Variants in USH2A observed in about 807,000 individuals in gnomAD.
USH2A encodes usherin.
A neutral mutation model predicts 538.9 loss-of-function variants in USH2A; 443 were observed. The observed-to-expected ratio is 0.82, with a 90% CI of 0.76 to 0.89. The LOEUF (loss-of-function observed/expected upper bound fraction) is 0.89. Ranked by LOEUF, USH2A falls within the 40% of genes least tolerant of loss-of-function variation. The pLI is 0.00. For missense variants in USH2A, 6,633 were observed against 6,324.8 expected (o/e 1.05, Z -1.65); for synonymous variants, 2,413 against 2,273.5 (o/e 1.06, Z -1.75).
intron 4 of USH2A, among the ~76,000 whole-genome samples, chr1:216,358,613 C>T (rs373101158): frequency 3.4e-4 from 51 of 151,900 alleles, no homozygotes; most frequent in Admixed American, 2.0e-4. Context: ...CCAGTCTATA[C>T]GCCATCTCTA....
chr1:216,090,601 T>C (rs1430694482), intron 22 of USH2A, among the ~76,000 whole-genome samples: 3 of 152,158 alleles, frequency 2.0e-5, no homozygotes, highest in African/African-American at 4.8e-5. Context: ...ATCTGTTTTG[T>C]CTACACACCC....
At chr1:216,034,829 T>C (rs1375370293) in intron 32 of USH2A, among the ~76,000 whole-genome samples, 2 of 152,190 alleles carry the variant, frequency 1.3e-5, no homozygotes, top group Non-Finnish European at 1.5e-5. Context: ...TTCAAACTTC[T>C]AGCCTCTCAA....
At chr1:216,116,854 A>G (rs1255253609) in intron 21 of USH2A, among the ~76,000 whole-genome samples, 2 of 152,102 alleles carry the variant, frequency 1.3e-5, no homozygotes, top group Non-Finnish European at 2.9e-5. Context: ...AACACAGAAA[A>G]CATCAGACAG....
intron 32 of USH2A, among the ~76,000 whole-genome samples, chr1:216,030,930 T>TA (rs534110611): frequency 1.7e-4 from 26 of 150,518 alleles, no homozygotes; most frequent in East Asian, 5.8e-4. Flanking sequence ...TAAAAAACAA[T>TA]AAAAAAAAAC....
At chr1:216,242,206 CAA>C (rs2035952581) in intron 13 of USH2A, among the ~76,000 whole-genome samples, 1 of 134,910 alleles carries the variant, frequency 7.4e-6, no homozygotes, top group Admixed American at 7.4e-5. Context: ...AAAAAAAATA[CAA>C]AAAATTAGCC....
intron 21 of USH2A, among the ~76,000 whole-genome samples, chr1:216,134,784 C>T (rs147384039): frequency 2.4e-4 from 36 of 152,154 alleles, no homozygotes; most frequent in African/African-American, 8.4e-4. Flanking sequence ...GAAACCATTG[C>T]TTGATTGTAT....
Position 216,196,671 on chromosome 1 carries a change from A to G in USH2A, c.4133T>C (p.Leu1378Pro), listed in dbSNP as rs2034852728. 8.1e-6 allele frequency: 13 copies of G among 1,613,522 alleles called. No homozygotes were observed. The highest frequency in any genetic ancestry group is 1.1e-5 in the Non-Finnish European group (13 of 1,179,680). ...TGCTGGCTTCTCCCAGGAGATATTG[A>G]GAGAGTACGAAGAGAGGGGAAAGAC... is the stretch of plus-strand genomic sequence containing the variant. The part of the protein sequence containing the change: ...PSVFPLSSYS[L>P]NISWEKPADN... Residue 1378 changes from leucine (L) to proline (P), a missense_variant, in exon 19 of 72, where the codon CTC becomes CCC. Coordinates refer to ENST00000307340, the MANE Select transcript of USH2A (RefSeq NM_206933.4).
chr1:215,753,079 A>G lies in USH2A; in HGVS notation c.11389+5516T>C, dbSNP rs569956626. ...GAAAAAATGCTCACCATCACTGGCC[A>G]TCAGAGAAATGCAAGTCAAAACCAC... On this transcript the variant is annotated intron_variant, in intron 58 of 71. Coordinates refer to ENST00000307340, the MANE Select transcript of USH2A (RefSeq NM_206933.4). Among the ~76,000 whole-genome samples the G allele has an allele frequency of 1.1e-3, 166 of 152,368 alleles. 2 individuals carry two copies. In the Middle Eastern group the frequency reaches 0.024, roughly 22 times the overall value.
chr1:216,318,606 C>T (rs2037549156), intron 9 of USH2A, among the ~76,000 whole-genome samples: 1 of 152,010 alleles, frequency 6.6e-6, no homozygotes, highest in African/African-American at 2.4e-5. Context: ...CCAAAGTTTG[C>T]TAAGTAAATT....
At chr1:215,651,899 A>C (rs1247398855) in intron 64 of USH2A, among the ~76,000 whole-genome samples, 1 of 152,154 alleles carries the variant, frequency 6.6e-6, no homozygotes, top group Non-Finnish European at 1.5e-5. Context: ...TGTGAAAGTA[A>C]ATTTTCTGAT....
intron 4 of USH2A, among the ~76,000 whole-genome samples, chr1:216,339,583 GTTA>G (rs1286687846): frequency 2.0e-5 from 3 of 151,358 alleles, no homozygotes; most frequent in African/African-American, 7.3e-5. Flanking sequence ...ATTTTAAAAA[GTTA>G]TTAGTAAACA....
intron 21 of USH2A, among the ~76,000 whole-genome samples, chr1:216,153,451 T>C (rs1268457747): frequency 6.6e-6 from 1 of 152,158 alleles, no homozygotes; most frequent in Non-Finnish European, 1.5e-5. Flanking sequence ...TCACATATCC[T>C]GCAACAGGGT....
At chr1:215,805,082 A>T (rs1443973610) in intron 49 of USH2A, among the ~76,000 whole-genome samples, 3 of 152,102 alleles carry the variant, frequency 2.0e-5, no homozygotes, top group South Asian at 2.1e-4. Flanking sequence ...GGAATTGAAC[A>T]ATGAGAACAC....
chr1:216,321,342 A>G (rs2037606391), intron 9 of USH2A, among the ~76,000 whole-genome samples: 2 of 152,118 alleles, frequency 1.3e-5, no homozygotes, highest in South Asian at 4.1e-4. Flanking sequence ...CACCTCAACT[A>G]TGGAATTCCC....
chr1:215,662,155 C>T (rs963223098), intron 64 of USH2A, among the ~76,000 whole-genome samples: 3 of 152,100 alleles, frequency 2.0e-5, no homozygotes, highest in Admixed American at 2.0e-4. Context: ...ACATCTTACC[C>T]TTTCCTAGAT....
chr1:216,399,258 G>GT (rs1233723485), intron 3 of USH2A, among the ~76,000 whole-genome samples: 3 of 152,148 alleles, frequency 2.0e-5, no homozygotes, highest in Non-Finnish European at 2.9e-5. Flanking sequence ...TCTGGTGTCA[G>GT]TGGGACCAAG....
At chr1:215,806,542 C>T (rs955062986) in intron 49 of USH2A, among the ~76,000 whole-genome samples, 13 of 152,198 alleles carry the variant, frequency 8.5e-5, no homozygotes, top group Admixed American at 7.9e-4. Flanking sequence ...GTCTATCAAT[C>T]TGGCTATGCA....
rs867640305 is a variant in USH2A, at chr1:216,084,092, C to G, written c.5168-506G>C. Among the ~76,000 whole-genome samples, 5 of 152,154 alleles carry G rather than the reference C, an allele frequency of 3.3e-5. No homozygotes were observed. The South Asian group carries it at 1.0e-3, about 32-fold the overall frequency. ...CGGGTGCACCAAGCCACCATCATCC[C>G]TCTCCCCTTCCCCTGGGTGGAAGTC... On this transcript the variant is annotated intron_variant, in intron 25 of 71. Coordinates refer to ENST00000307340, the MANE Select transcript of USH2A (RefSeq NM_206933.4).
chr1:216,135,956 A>G (rs2033478469), intron 21 of USH2A, among the ~76,000 whole-genome samples: 1 of 152,044 alleles, frequency 6.6e-6, no homozygotes, highest in African/African-American at 2.4e-5. Flanking sequence ...ATATATATAT[A>G]TATGTATGAA....
Sources: gnomAD v4.1 joint callset for allele counts (sites outside exome capture counted in the v4.1 genomes callset) on GRCh38, gnomAD v4.1.1 for gene constraint, MANE v1.5 for transcripts, NCBI Gene and HGNC (gene_info 2026-07-23, HGNC 2026-07-21) for gene names.